The following ARHGEF1 variants were observed in gnomAD, a reference collection of about 807,000 sequenced individuals.
ARHGEF1 encodes Rho guanine nucleotide exchange factor 1, also known as 115 kDa guanine nucleotide exchange factor.
A neutral mutation model predicts 119.7 loss-of-function variants in ARHGEF1; 40 were observed. The observed-to-expected ratio is 0.33, with a 90% CI of 0.26 to 0.44. The LOEUF is 0.44. ARHGEF1 is among the 20% of genes least tolerant of loss of function. ARHGEF1 has a pLI of 1.00. For synonymous variants in ARHGEF1, 494 were observed against 521.0 expected, an observed-to-expected ratio of 0.95 and a Z score of 0.71; for missense variants, 976 against 1,268.3, an observed-to-expected ratio of 0.77 and a Z score of 3.50.
At chr19:41,915,216 C>T (rs1254843425) in intron 18 of ARHGEF1, among the ~76,000 whole-genome samples, 5 of 148,280 alleles carry the variant, frequency 3.4e-5, no homozygotes, top group African/African-American at 1.0e-4. Flanking sequence ...CCGCCTCCTC[C>T]GGACACGTTA....
rs569516176 is a variant in ARHGEF1, at chr19:41,915,793, C to T, written c.1866-7299C>T. On this transcript the variant is annotated intron_variant, in intron 18 of 20. Transcript: ENST00000599589. Reference sequence around the variant, plus strand: ...CTGGCGCCCCCCTGGCCCCATTGATCGCTGATCGACTGATGGAGGGAGCGC... The same window carrying T: ...CTGGCGCCCCCCTGGCCCCATTGATTGCTGATCGACTGATGGAGGGAGCGC... Among the ~76,000 whole-genome samples the T allele has an allele frequency of 4.6e-5, 7 of 152,280 alleles. No individual in the cohort carries two copies. The East Asian group carries it at 1.2e-3, about 25-fold the overall frequency.
chr19:41,906,353 C>T lies in ARHGEF1; in HGVS notation c.2492-104C>T. On this transcript the variant is annotated intron_variant, in intron 26 of 28. Transcript: ENST00000354532. This position sits in a 1 kb window ranked among gnomAD's most constrained non-coding sequence, Gnocchi z 4.5. ...CATCTGCTCAGCCTTGCCTGGCACC[C>T]ACCTTCACCTCCAGCCCCTACACAT... 1 of 1,208,298 alleles carries T rather than the reference C, an allele frequency of 8.3e-7. No homozygotes were observed. Among genetic ancestry groups the T allele is most frequent in the Non-Finnish European group, 1.1e-6 (1 of 873,360 alleles). The allele number at this position is 1,208,298 out of a possible 1,614,324, so 74.8% of individuals were successfully genotyped here.
intron 1 of ARHGEF1, among the ~76,000 whole-genome samples, chr19:41,923,704 AG>A (rs1555852918): frequency 1.7e-4 from 2 of 12,110 alleles, no homozygotes; most frequent in East Asian, 2.2e-3. Flanking sequence ...GTGTGCTGGG[AG>A]GGGGCTGTGC....
At chr19:41,912,692 GT>G (rs1178244364) in intron 18 of ARHGEF1, among the ~76,000 whole-genome samples, 1 of 152,148 alleles carries the variant, frequency 6.6e-6, no homozygotes, top group Non-Finnish European at 1.5e-5. Context: ...TTTTAGCCAA[GT>G]TTCTCAGAAG....
intron 13 of ARHGEF1, chr19:41,896,776 T>C (rs1599647471): frequency 1.9e-6 from 1 of 517,150 alleles, no homozygotes; most frequent in African/African-American, 3.1e-5. Flanking sequence ...ACTCCTTCCA[T>C]CTCCTTTATT....
At position 41,889,169 on chromosome 19, in the gene ARHGEF1, TGCCTGTGGCAGCGCCCCCATCA is replaced by T. The variant is rs1407609355; in HGVS notation, c.225+317_225+338del. 1 of 279,626 alleles carries T rather than the reference TGCCTGTGGCAGCGCCCCCATCA, an allele frequency of 3.6e-6. No individual in the cohort carries two copies. Among genetic ancestry groups the T allele is most frequent in the Non-Finnish European group, 6.8e-6 (1 of 146,764 alleles). 17.3% of individuals were successfully genotyped at this position (279,626 alleles called of 1,614,324 possible). A position where few individuals can be genotyped will look rare whatever the true frequency, so the allele number is the denominator to read the frequency against. On this transcript the variant is annotated intron_variant, in intron 4 of 28. Coordinates refer to ENST00000354532, the MANE Select transcript of ARHGEF1 (RefSeq NM_004706.4). This position sits in a 1 kb window ranked among gnomAD's most constrained non-coding sequence, Gnocchi z 4.0. ...AGAAACCACATCCCATCCCACTCTG[TGCCTGTGGCAGCGCCCCCATCA>T]GCCTGTGGCAGCACCTTTCCGTGAA...
At position 41,905,825 on chromosome 19, in the gene ARHGEF1, A is replaced by C. The variant is rs374563734; in HGVS notation, c.2402A>C (p.Asp801Ala). 11 of 1,614,012 alleles carry C rather than the reference A, an allele frequency of 6.8e-6. No homozygotes were observed. Among genetic ancestry groups the C allele is most frequent in the Non-Finnish European group, 9.3e-6 (11 of 1,180,020 alleles). Residue 801 changes from aspartate (D) to alanine (A), a missense_variant and splice_region_variant, in exon 25 of 29, where the codon GAT becomes GCT. By Grantham distance (126) the Asp-to-Ala change is moderately radical. This residue lies in a region of ARHGEF1 where 171 missense variants were observed against 180.6 expected (regional missense o/e 0.95). Coordinates refer to ENST00000354532, the MANE Select transcript of ARHGEF1 (RefSeq NM_004706.4). This position sits in a 1 kb window ranked among gnomAD's most constrained non-coding sequence, Gnocchi z 6.4. ...GNGGRETSPA[D>A]ARTERILSDL... ...GGTGGCCGAGAGACGTCTCCAGCTG[A>C]TGGTGAGACCAGAGGGATGCTGGGT...
chr19:41,887,630 G>A (rs1484852953), intron 1 of ARHGEF1, among the ~76,000 whole-genome samples: 2 of 152,050 alleles, frequency 1.3e-5, no homozygotes, highest in Non-Finnish European at 1.5e-5. Context: ...TCACAGACCA[G>A]AGGAGACCCC....
intron 1 of ARHGEF1, among the ~76,000 whole-genome samples, chr19:41,885,698 G>T (rs183126248): frequency 3.2e-4 from 49 of 152,294 alleles, no homozygotes; most frequent in Non-Finnish European, 4.7e-4. Context: ...TTGACTTCGT[G>T]ATCCGCCCGC....
intron 7 of ARHGEF1, 156 bp from the exon 8 acceptor site, chr19:41,893,118 C>A: frequency 9.0e-7 from 1 of 1,116,966 alleles, no homozygotes; most frequent in Non-Finnish European, 1.3e-6. Context: ...ACCTCCCTCC[C>A]TCTTATGACA....
At chr19:41,912,726 C>G in intron 18 of ARHGEF1, 1 of 404,834 alleles carries the variant, frequency 2.5e-6, no homozygotes, top group Middle Eastern at 6.2e-4. Flanking sequence ...GGGGACTGAC[C>G]AAGACTGAGA....
intron 1 of ARHGEF1, chr19:41,884,361 A>G: frequency 6.8e-7 from 1 of 1,473,790 alleles, no homozygotes; most frequent in Non-Finnish European, 9.2e-7. Flanking sequence ...TGGCAGGAGG[A>G]GTGGAGCTGG....
chr19:41,883,521 G>A lies in ARHGEF1; in HGVS notation c.-20+232G>A, dbSNP rs2074252287. Among the ~76,000 whole-genome samples, 1 of 152,200 alleles carries A rather than the reference G, an allele frequency of 6.6e-6. No individual in the cohort carries two copies. The highest frequency in any genetic ancestry group is 6.5e-5 in the Admixed American group (1 of 15,290). On this transcript the variant is annotated intron_variant, in intron 1 of 28. Coordinates refer to ENST00000354532, the MANE Select transcript of ARHGEF1 (RefSeq NM_004706.4). This position sits in a 1 kb window ranked among gnomAD's most constrained non-coding sequence, Gnocchi z 7.6. ...AGGTGGGGACGAACGGTGCGAGGCC[G>A]GGGCCAAGGCCTCCCACCTGCTCAG...
At chr19:41,898,623 G>A in intron 14 of ARHGEF1, 36 bp downstream of exon 14, 5 of 1,569,946 alleles carry the variant, frequency 3.2e-6, no homozygotes, top group Non-Finnish European at 3.5e-6. Flanking sequence ...TGTGGCCAAG[G>A]ACACAGTCCA....
chr19:41,884,555 C>G, intron 1 of ARHGEF1: 1 of 1,589,794 alleles, frequency 6.3e-7, no homozygotes, highest in Non-Finnish European at 8.5e-7. Context: ...CCCGGCATCC[C>G]TGGCCGTGCA....
At position 41,897,251 on chromosome 19, in the gene ARHGEF1, G is replaced by C. The variant is rs781957429; in HGVS notation, c.1121+769G>C. ...CGCTGCTTTGGGGACCCTTTGGTGG[G>C]TGCGGGGAGGTGGGTCAGGTTCCAT... On this transcript the variant is annotated intron_variant, in intron 13 of 28. Coordinates refer to ENST00000354532, the MANE Select transcript of ARHGEF1 (RefSeq NM_004706.4). 2.7e-4 allele frequency: 351 copies of C among 1,279,240 alleles called. 2 individuals carry two copies. Among genetic ancestry groups the C allele is most frequent in the Non-Finnish European group, 6.9e-5 (68 of 981,564 alleles). 79.2% of individuals were successfully genotyped at this position (1,279,240 alleles called of 1,614,324 possible).
Position 41,898,584 on chromosome 19 carries a change from AG to A in ARHGEF1, c.1265del (p.Ser422ThrfsTer5). 1 of 1,585,368 alleles carries A rather than the reference AG, an allele frequency of 6.3e-7. No individual in the cohort carries two copies. The highest frequency in any genetic ancestry group is 8.6e-7 in the Non-Finnish European group (1 of 1,166,488). ...KSQVKRQEVISELLVTEAAHV... is the reference protein window; with the variant it reads ...KSQVKRQEVIXELLVTEAAHV... ...CCAGGTGAAGCGGCAGGAGGTCATC[AG>A]CGGTGAGTACTGCCCCCATCACCCC... is the stretch of plus-strand genomic sequence containing the variant. On this transcript the variant is annotated frameshift_variant and splice_region_variant, in exon 14 of 29. Coordinates refer to ENST00000354532, the MANE Select transcript of ARHGEF1 (RefSeq NM_004706.4). LOFTEE classifies it high-confidence loss of function.
downstream of ARHGEF1, among the ~76,000 whole-genome samples, chr19:41,911,406 T>A (rs2145883210): frequency 6.6e-6 from 1 of 152,304 alleles, no homozygotes. Flanking sequence ...GAGACTGCTG[T>A]GCGCCAGGGC....
At chr19:41,912,900 G>A (rs1162275492) in intron 18 of ARHGEF1, 52 of 1,231,580 alleles carry the variant, frequency 4.2e-5, no homozygotes, top group Non-Finnish European at 5.3e-5. Flanking sequence ...GAGAAGGTCG[G>A]AGACGCAGCT....
Sources: allele counts gnomAD v4.1 joint callset (sites outside exome capture counted in the v4.1 genomes callset), GRCh38; gene constraint gnomAD v4.1.1; regional missense constraint gnomAD v4.1.1; non-coding constraint Gnocchi (gnomAD v3.1); transcripts MANE v1.5; gene names NCBI Gene and HGNC (gene_info 2026-07-23, HGNC 2026-07-21).